The following SORT1 variants were observed in gnomAD, a reference collection of about 807,000 sequenced individuals.
SORT1 encodes sortilin.
In SORT1, 39 loss-of-function variants were observed where a neutral mutation model predicts 101.7. The ratio of observed to expected loss-of-function variants is 0.38; its 90% CI spans 0.30 to 0.50. SORT1 has a LOEUF of 0.50. SORT1 is among the 20% of genes least tolerant of loss of function. The pLI is 0.90. For missense variants in SORT1, 878 were observed against 1,040.4 expected (o/e 0.84, Z 2.15); for synonymous variants, 396 against 393.7 (o/e 1.01, Z -0.07).
intron 7 of SORT1, among the ~76,000 whole-genome samples, chr1:109,346,314 T>TAA (rs56298313): frequency 9.2e-5 from 8 of 86,780 alleles, no homozygotes; most frequent in East Asian, 3.6e-4. Flanking sequence ...CTCCGTCTCA[T>TAA]AAAAAAAAAA....
rs1164834928 is a variant in SORT1 at position 109,327,035 on chromosome 1, T to A, written c.1600A>T (p.Ile534Phe). 2 of 1,612,750 alleles carry A rather than the reference T, an allele frequency of 1.2e-6. No homozygotes were observed. The highest frequency in any genetic ancestry group is 2.2e-5 in the South Asian group (2 of 91,014). ...YYTILDSGGIIVAIEHSSRPI... is the reference protein window; with the variant it reads ...YYTILDSGGIFVAIEHSSRPI... ...CGGCTGCTGTGCTCAATGGCCACAA[T>A]GATGCCTCCAGAATCCAGGATGGTG... Residue 534 changes from isoleucine to phenylalanine, a missense_variant, in exon 13 of 20, where the codon ATT (isoleucine) becomes TTT (phenylalanine). Transcript: ENST00000256637.
At chr1:109,343,025 C>T (rs1213734142) in intron 8 of SORT1, among the ~76,000 whole-genome samples, 2 of 152,108 alleles carry the variant, frequency 1.3e-5, no homozygotes, top group Non-Finnish European at 2.9e-5. Flanking sequence ...AAAAGTACAT[C>T]GCAAAATTTT....
chr1:109,318,041 T>G (rs569382221), intron 15 of SORT1, 72 bp from the exon 16 acceptor site: 10 of 937,508 alleles, frequency 1.1e-5, no homozygotes, highest in African/African-American at 9.7e-5. Context: ...AATGAAGGGT[T>G]ATGTGGGGTA....
chr1:109,344,226 C>T (rs1427199846), intron 8 of SORT1, among the ~76,000 whole-genome samples: 5 of 152,188 alleles, frequency 3.3e-5, no homozygotes, highest in African/African-American at 7.2e-5. Flanking sequence ...AGAGAGCTCC[C>T]GGCGCTCCCG....
intron 1 of SORT1, among the ~76,000 whole-genome samples, chr1:109,376,030 G>A (rs1241711266): frequency 6.6e-6 from 1 of 152,176 alleles, no homozygotes; most frequent in Non-Finnish European, 1.5e-5. Flanking sequence ...CCTGTGAAAA[G>A]CGATTTGGAG....
rs1658928500 is a variant in SORT1 at position 109,314,657 on chromosome 1, TTC to T, written c.2357+13_2357+14del. The T allele has an allele frequency of 6.6e-7, 1 of 1,522,218 alleles. No homozygotes were observed. The highest frequency in any genetic ancestry group is 1.4e-5 in the African/African-American group (1 of 73,164). The allele number at this position is 1,522,218 out of a possible 1,614,324, so 94.3% of individuals were successfully genotyped here. ...CTTGAACTCAGTACCTTGGATTGACTTCTGTGTTCCTTACCTTCCCCCACAGA... is the reference window on the plus strand; with the variant it reads ...CTTGAACTCAGTACCTTGGATTGACTTGTGTTCCTTACCTTCCCCCACAGA... On this transcript the variant is annotated intron_variant, in intron 18 of 19. Transcript: ENST00000256637.
chr1:109,378,565 C>A (rs564374884), intron 1 of SORT1, among the ~76,000 whole-genome samples: 2 of 151,124 alleles, frequency 1.3e-5, no homozygotes, highest in East Asian at 2.0e-4. Context: ...GCGGAATAAT[C>A]CCTATAGGAA....
chr1:109,340,830 A>G lies in SORT1; in HGVS notation c.1158T>C (p.Tyr386=), dbSNP rs1339234636. Reference sequence around the variant, plus strand: ...AGAGATGTCGGTCCAAAGACTTGGAATAGACAATGCCTCGATCATCTGAGG... The same window carrying G: ...AGAGATGTCGGTCCAAAGACTTGGAGTAGACAATGCCTCGATCATCTGAGG... ...IFTSDDRGIV[Y]SKSLDRHLYT... Residue 386 remains tyrosine (Y), a synonymous_variant, in exon 10 of 20, where the codon TAT becomes TAC. Transcript: ENST00000256637. 1 of 1,614,136 alleles carries G rather than the reference A, an allele frequency of 6.2e-7. No homozygotes were observed. Among genetic ancestry groups the G allele is most frequent in the Admixed American group, 1.7e-5 (1 of 60,014 alleles).
chr1:109,346,276 G>A (rs1649587785), intron 7 of SORT1, among the ~76,000 whole-genome samples: 1 of 148,890 alleles, frequency 6.7e-6, no homozygotes, highest in Non-Finnish European at 1.5e-5. Context: ...TCGCGCCACT[G>A]TGCTCCAGCC....
chr1:109,316,738 T>C (rs1469446393), intron 17 of SORT1, 112 bp downstream of exon 17: 14 of 689,412 alleles, frequency 2.0e-5, no homozygotes, highest in East Asian at 2.7e-5. Context: ...CTGAGAGAAG[T>C]AGTTTGACCA....
At chr1:109,389,376 A>G (rs1209028348) in intron 1 of SORT1, among the ~76,000 whole-genome samples, 1 of 152,232 alleles carries the variant, frequency 6.6e-6, no homozygotes, top group Non-Finnish European at 1.5e-5. Flanking sequence ...TATATTACTT[A>G]TAACTGGGAT....
rs1647247166 is a variant in SORT1, at chr1:109,316,839, T to C, written c.2250+11A>G. 6 of 1,550,762 alleles carry C rather than the reference T, an allele frequency of 3.9e-6. No homozygotes were observed. The highest frequency in any genetic ancestry group is 5.3e-6 in the Non-Finnish European group (6 of 1,128,352). ...CATTTGTACCTGAAAACTAGACCTA[T>C]TTTAACATACCTGTTTTTCCGGACT... On this transcript the variant is annotated intron_variant, in intron 17 of 19. Coordinates refer to ENST00000256637, the MANE Select transcript of SORT1 (RefSeq NM_002959.7).
intron 1 of SORT1, among the ~76,000 whole-genome samples, chr1:109,376,395 G>T (rs1295840716): frequency 6.6e-6 from 1 of 150,928 alleles, no homozygotes; most frequent in Admixed American, 6.6e-5. Context: ...TCCTGTTACT[G>T]GGTATATATC....
intron 3 of SORT1, among the ~76,000 whole-genome samples, chr1:109,359,125 G>A (rs1372278932): frequency 6.6e-6 from 1 of 152,176 alleles, no homozygotes; most frequent in Non-Finnish European, 1.5e-5. Flanking sequence ...AGGCTGAGAA[G>A]TCCAAGATGA....
intron 17 of SORT1, among the ~76,000 whole-genome samples, chr1:109,315,763 T>TG (rs1658994232): frequency 6.7e-6 from 1 of 150,246 alleles, no homozygotes; most frequent in Admixed American, 6.6e-5. Flanking sequence ...TTTTTTTTTT[T>TG]TTTTTTTAAA....
At chr1:109,322,906 CAG>C (rs773257022) in intron 15 of SORT1, 24 bp downstream of exon 15, 2 of 1,580,432 alleles carry the variant, frequency 1.3e-6, no homozygotes, top group Admixed American at 3.4e-5. Flanking sequence ...GAAAGGGAGA[CAG>C]AGAAATCTGA....
At chr1:109,371,233 A>C (rs188951736) in intron 1 of SORT1, among the ~76,000 whole-genome samples, 4 of 152,358 alleles carry the variant, frequency 2.6e-5, no homozygotes, top group East Asian at 3.9e-4. Context: ...ATCTGAGAAA[A>C]AGTAGGGCTG....
intron 1 of SORT1, chr1:109,392,943 G>C (rs922519378): frequency 1.0e-6 from 1 of 985,292 alleles, no homozygotes; most frequent in Non-Finnish European, 1.2e-6. Flanking sequence ...ACGGCTGGGG[G>C]TGCTAGGGAA....
chr1:109,378,946 C>A (rs978773186), intron 1 of SORT1, among the ~76,000 whole-genome samples: 2 of 150,520 alleles, frequency 1.3e-5, no homozygotes, highest in Non-Finnish European at 3.0e-5. Context: ...AGTTCAAGAC[C>A]CGCCTGACCA....
Sources: allele counts gnomAD v4.1 joint callset (sites outside exome capture counted in the v4.1 genomes callset), GRCh38; gene constraint gnomAD v4.1.1; transcripts MANE v1.5; gene names NCBI Gene and HGNC (gene_info 2026-07-23, HGNC 2026-07-21).